NRG3: variants seen among roughly 807,000 people sequenced by gnomAD.
NRG3 encodes the protein neuregulin 3.
In NRG3, 31 loss-of-function variants were observed where a neutral mutation model predicts 66.9. The ratio of observed to expected loss-of-function variants is 0.46; its 90% CI spans 0.35 to 0.63. NRG3 has a LOEUF of 0.63. NRG3 is among the 20% of genes least tolerant of loss of function. The probability of loss-of-function intolerance (pLI) is 0.00; values close to 1 mark genes in which losing one functional copy is unlikely to be tolerated. For synonymous variants in NRG3, 393 were observed against 359.4 expected, an observed-to-expected ratio of 1.09 and a Z score of -1.06; for missense variants, 910 against 878.9, an observed-to-expected ratio of 1.04 and a Z score of -0.45.
At position 82,979,038 on chromosome 10, in the gene NRG3, A is replaced by C. The variant is rs780959281; in HGVS notation, c.1501A>C (p.Arg501=). The C allele has an allele frequency of 1.9e-6, 3 of 1,614,152 alleles. No individual in the cohort carries two copies. The highest frequency in any genetic ancestry group is 1.7e-5 in the Admixed American group (1 of 60,020). ...AAGGACACCCCCGTCACCCCGAAGT[A>C]GGCTAGGTGGAATTGTGGGACCAGC... The part of the protein sequence containing the change: ...FRRTPPSPRS[R]LGGIVGPAYQ... The change falls in exon 8 of 9, where the codon AGG becomes CGG. Residue 501 remains arginine (R), a synonymous_variant. Coordinates refer to ENST00000372141, the MANE Select transcript of NRG3 (RefSeq NM_001010848.4).
chr10:82,692,613 C>T (rs754436539), intron 2 of NRG3, among the ~76,000 whole-genome samples: 6 of 152,206 alleles, frequency 3.9e-5, no homozygotes, highest in South Asian at 2.1e-4. Context: ...ACAAAGAGGC[C>T]GAGCTCCTTC....
chr10:82,793,450 T>C (rs2060670942), intron 3 of NRG3, among the ~76,000 whole-genome samples: 1 of 152,176 alleles, frequency 6.6e-6, no homozygotes, highest in Admixed American at 6.5e-5. Context: ...AGTCTCTGGC[T>C]GTCATCTCCC....
intron 1 of NRG3, among the ~76,000 whole-genome samples, chr10:82,198,955 C>T (rs1226984281): frequency 6.7e-6 from 1 of 150,292 alleles, no homozygotes; most frequent in Non-Finnish European, 1.5e-5. Context: ...CAAGATCACG[C>T]CACTGCACTC....
At chr10:82,625,952 T>C (rs1590926804) in intron 2 of NRG3, among the ~76,000 whole-genome samples, 1 of 152,166 alleles carries the variant, frequency 6.6e-6, no homozygotes, top group African/African-American at 2.4e-5. Flanking sequence ...CTTCCTGATA[T>C]GTAATAAAGA....
intron 3 of NRG3, among the ~76,000 whole-genome samples, chr10:82,791,384 T>C (rs1429436286): frequency 1.3e-5 from 2 of 151,940 alleles, no homozygotes; most frequent in African/African-American, 4.8e-5. Context: ...GTGCAGCCAC[T>C]GACATCTCTT....
At chr10:82,216,530 G>A (rs993197990) in intron 1 of NRG3, among the ~76,000 whole-genome samples, 13 of 143,246 alleles carry the variant, frequency 9.1e-5, no homozygotes, top group Non-Finnish European at 1.6e-4. Flanking sequence ...GCACATATAT[G>A]TGTGTGTGTA....
chr10:81,953,620 C>G (rs530848855), intron 1 of NRG3, among the ~76,000 whole-genome samples: 12 of 152,278 alleles, frequency 7.9e-5, no homozygotes, highest in Non-Finnish European at 1.2e-4. Context: ...ACTCCATTGC[C>G]TTTCTTCCCA....
chr10:82,661,603 T>G lies in NRG3; in HGVS notation c.954-76974T>G, dbSNP rs558983617. Among the ~76,000 whole-genome samples the G allele has an allele frequency of 7.9e-5, 12 of 152,060 alleles. No homozygotes were observed. The East Asian group carries it at 2.1e-3, about 27-fold the overall frequency. ...GGTATATTTGTGTGTGTGTGTGTGTTTGTGTGTATGCGTGTGTGCGTGTGC... is the reference window on the plus strand; with the variant it reads ...GGTATATTTGTGTGTGTGTGTGTGTGTGTGTGTATGCGTGTGTGCGTGTGC... On this transcript the variant is annotated intron_variant, in intron 2 of 8. Transcript: ENST00000372141.
chr10:82,371,485 T>C (rs1404096358), intron 2 of NRG3, among the ~76,000 whole-genome samples: 1 of 152,138 alleles, frequency 6.6e-6, no homozygotes, highest in Non-Finnish European at 1.5e-5. Context: ...GAGTCCACTG[T>C]AAAGTGGTAA....
intron 2 of NRG3, among the ~76,000 whole-genome samples, chr10:82,524,089 A>G (rs1329239691): frequency 3.3e-5 from 5 of 152,068 alleles, no homozygotes; most frequent in Non-Finnish European, 5.9e-5. Flanking sequence ...TACATATCTA[A>G]CAAACACACT....
intron 4 of NRG3, among the ~76,000 whole-genome samples, chr10:82,884,389 T>TA (rs1169457496): frequency 1.3e-5 from 2 of 152,204 alleles, no homozygotes; most frequent in East Asian, 3.8e-4. Flanking sequence ...TATTTTTGCA[T>TA]ATTGAGGAAA....
intron 2 of NRG3, among the ~76,000 whole-genome samples, chr10:82,663,763 T>C (rs1351332668): frequency 2.0e-5 from 3 of 152,362 alleles, no homozygotes; most frequent in East Asian, 3.9e-4. Flanking sequence ...TGTAAGAAGA[T>C]ACTTGAGGTT....
At chr10:81,922,844 A>G (rs745969968) in intron 1 of NRG3, among the ~76,000 whole-genome samples, 1 of 152,204 alleles carries the variant, frequency 6.6e-6, no homozygotes, top group African/African-American at 2.4e-5. Flanking sequence ...TAGAATGTCT[A>G]GGATTTGCTT....
chr10:82,974,108 T>C (rs1010620102), intron 7 of NRG3, among the ~76,000 whole-genome samples, 193 bp downstream of exon 7: 1 of 152,112 alleles, frequency 6.6e-6, no homozygotes, highest in Non-Finnish European at 1.5e-5. Flanking sequence ...GCAGACAGCA[T>C]TGCCTCTGTA....
chr10:82,508,463 C>T (rs1844876026), intron 2 of NRG3, among the ~76,000 whole-genome samples: 1 of 152,120 alleles, frequency 6.6e-6, no homozygotes, highest in Non-Finnish European at 1.5e-5. Context: ...TGAAAATAGG[C>T]AACAGCAATG....
At chr10:82,944,706 C>T (rs1037292817) in intron 4 of NRG3, among the ~76,000 whole-genome samples, 2 of 152,124 alleles carry the variant, frequency 1.3e-5, no homozygotes, top group Middle Eastern at 3.2e-3. Flanking sequence ...TTTAGGTTTA[C>T]TTTCTGTTTT....
chr10:82,559,357 A>T (rs1007431763), intron 2 of NRG3, among the ~76,000 whole-genome samples: 1 of 152,162 alleles, frequency 6.6e-6, no homozygotes, highest in Admixed American at 6.6e-5. Context: ...ACTTCCATGA[A>T]GGAAAAGAGA....
At chr10:82,605,890 A>G (rs925608516) in intron 2 of NRG3, among the ~76,000 whole-genome samples, 40 of 152,104 alleles carry the variant, frequency 2.6e-4, no homozygotes, top group African/African-American at 9.4e-4. Flanking sequence ...ACATGGGATT[A>G]TAATCATGAC....
intron 1 of NRG3, among the ~76,000 whole-genome samples, chr10:82,228,096 AG>A (rs1157787136): frequency 6.6e-6 from 1 of 152,210 alleles, no homozygotes; most frequent in African/African-American, 2.4e-5. Flanking sequence ...ACATAACTGT[AG>A]GAAAAGGTCA....
Sources: gnomAD v4.1 joint callset for allele counts (sites outside exome capture counted in the v4.1 genomes callset) on GRCh38, gnomAD v4.1.1 for gene constraint, MANE v1.5 for transcripts, NCBI Gene and HGNC (gene_info 2026-07-23, HGNC 2026-07-21) for gene names.